The following CDC123 variants were observed in gnomAD, a reference collection of about 807,000 sequenced individuals.
CDC123 encodes the protein cell division cycle 123, also known as translation initiation factor eIF2 assembly protein.
A neutral mutation model predicts 54.4 loss-of-function variants in CDC123; 37 were observed. That is an observed-to-expected ratio of 0.68 (90% confidence interval 0.52 to 0.89). The LOEUF (loss-of-function observed/expected upper bound fraction) is 0.89, where lower values mean the gene tolerates loss of function less well. CDC123 is among the 40% of genes least tolerant of loss of function. CDC123 has a pLI of 0.00. For synonymous variants in CDC123, 144 were observed against 136.8 expected (o/e 1.05, Z -0.37); for missense variants, 361 against 412.1 (o/e 0.88, Z 1.07).
rs956840827 is a variant in CDC123 at position 12,210,273 on chromosome 10, TC to T, written c.205-15del. ...ATTTAAATTTAATGTTTTATTTTTTTCCTCTTTTTCATGCAGTGGTCTGATG... is the reference window on the plus strand; with the variant it reads ...ATTTAAATTTAATGTTTTATTTTTTTCTCTTTTTCATGCAGTGGTCTGATG... On this transcript the variant is annotated splice_polypyrimidine_tract_variant and intron_variant, in intron 3 of 12. Coordinates refer to ENST00000281141, the MANE Select transcript of CDC123 (RefSeq NM_006023.3). The T allele has an allele frequency of 1.2e-6, 2 of 1,613,698 alleles. No individual in the cohort carries two copies. Among genetic ancestry groups the T allele is most frequent in the African/African-American group, 2.7e-5 (2 of 74,908 alleles).
chr10:12,236,642 C>T (rs984587261), intron 8 of CDC123, among the ~76,000 whole-genome samples: 19 of 150,488 alleles, frequency 1.3e-4, no homozygotes, highest in African/African-American at 3.7e-4. Context: ...CACCTGTAAT[C>T]CCAGCATTTT....
At chr10:12,199,827 TTTG>T (rs978946979) in intron 2 of CDC123, among the ~76,000 whole-genome samples, 2 of 152,014 alleles carry the variant, frequency 1.3e-5, no homozygotes, top group African/African-American at 4.8e-5. Context: ...TTTTTTTTGT[TTTG>T]TTTTTCTTTT....
chr10:12,223,001 C>T (rs1835757623), intron 6 of CDC123, among the ~76,000 whole-genome samples: 1 of 151,976 alleles, frequency 6.6e-6, no homozygotes, highest in South Asian at 2.1e-4. Context: ...ACGCCATTCT[C>T]CTGCCTCAGC....
At chr10:12,238,762 G>A (rs367749246) in intron 10 of CDC123, among the ~76,000 whole-genome samples, 1 of 152,136 alleles carries the variant, frequency 6.6e-6, no homozygotes, top group Non-Finnish European at 1.5e-5. Context: ...GCTCACACCT[G>A]TAACCCCAGC....
chr10:12,196,359 G>A (rs553708650), intron 1 of CDC123, 40 bp downstream of exon 1: 2 of 1,613,462 alleles, frequency 1.2e-6, no homozygotes, highest in East Asian at 2.2e-5. Context: ...CCGGCAAAAG[G>A]GAACTGCGAC....
chr10:12,237,318 C>T (rs769457916), intron 9 of CDC123, 52 bp downstream of exon 9: 1 of 1,417,280 alleles, frequency 7.1e-7, no homozygotes, highest in East Asian at 2.6e-5. Context: ...TACATTGTTA[C>T]TGGACCTTAT....
intron 2 of CDC123, among the ~76,000 whole-genome samples, chr10:12,201,852 C>T (rs1406439358): frequency 6.6e-6 from 1 of 152,114 alleles, no homozygotes; most frequent in African/African-American, 2.4e-5. Flanking sequence ...GTGGCTTGAA[C>T]TAAGATGGTG....
At chr10:12,196,399 A>T in intron 1 of CDC123, 80 bp downstream of exon 1, 1 of 1,588,158 alleles carries the variant, frequency 6.3e-7, no homozygotes, top group Non-Finnish European at 8.6e-7. Context: ...CTATCCAAAA[A>T]AATGCAGGCC....
At position 12,210,060 on chromosome 10, in the gene CDC123, G is replaced by C. The variant is rs17151406; in HGVS notation, c.204+36G>C. ...AATAAAATAATCTGTTCTGTAGACTGTTGTAATTTAAATGATCTCTGAGAT... is the reference window on the plus strand; with the variant it reads ...AATAAAATAATCTGTTCTGTAGACTCTTGTAATTTAAATGATCTCTGAGAT... On this transcript the variant is annotated intron_variant, in intron 3 of 12. Transcript: ENST00000281141. The C allele has an allele frequency of 6.9e-3, 10,973 of 1,601,122 alleles. 382 individuals carry two copies. In the East Asian group the frequency reaches 0.079, roughly 11 times the overall value.
Position 12,198,699 on chromosome 10 carries a change from T to C in CDC123, c.75-6T>C, listed in dbSNP as rs773235932. 2 of 1,548,892 alleles carry C rather than the reference T, an allele frequency of 1.3e-6. No homozygotes were observed. Among genetic ancestry groups the C allele is most frequent in the African/African-American group, 1.4e-5 (1 of 72,768 alleles). On this transcript the variant is annotated splice_polypyrimidine_tract_variant and splice_region_variant and intron_variant, in intron 1 of 12. Transcript: ENST00000281141. ...AATGATGCCTTTTTTGGTGTTTTTT[T>C]TTTAGTGTCATTCTTCCACTTCCTC... is the stretch of plus-strand genomic sequence containing the variant.
intron 10 of CDC123, among the ~76,000 whole-genome samples, chr10:12,243,931 C>T (rs933778479): frequency 6.6e-6 from 1 of 152,156 alleles, no homozygotes; most frequent in Middle Eastern, 3.2e-3. Flanking sequence ...ACGGCTGATA[C>T]TGTTTCACAT....
intron 2 of CDC123, among the ~76,000 whole-genome samples, chr10:12,208,214 A>G (rs920238768): frequency 1.3e-5 from 2 of 151,824 alleles, no homozygotes; most frequent in Non-Finnish European, 2.9e-5. Flanking sequence ...GCTAGTTTTT[A>G]TGATTATTTT....
intron 6 of CDC123, among the ~76,000 whole-genome samples, chr10:12,221,576 C>T (rs1048729637): frequency 1.3e-5 from 2 of 152,130 alleles, no homozygotes; most frequent in African/African-American, 2.4e-5. Flanking sequence ...TGCTGTGATT[C>T]GTTTAGATCA....
chr10:12,210,097 G>A, intron 3 of CDC123, 73 bp downstream of exon 3: 2 of 1,532,376 alleles, frequency 1.3e-6, no homozygotes, highest in Non-Finnish European at 1.8e-6. Context: ...GTTCTGACTT[G>A]TAGATCTTAT....
At position 12,226,015 on chromosome 10, in the gene CDC123, C is replaced by T. The variant is rs534251526; in HGVS notation, c.441-4933C>T. Among the ~76,000 whole-genome samples the T allele has an allele frequency of 7.2e-5, 11 of 151,988 alleles. No individual in the cohort carries two copies. The South Asian group carries it at 1.2e-3, about 17-fold the overall frequency. ...CTGTTTAACAAAGCACATCTTGCAC[C>T]GCCCTTAATCCATTTAACCCTTCGT... On this transcript the variant is annotated intron_variant, in intron 6 of 12. Coordinates refer to ENST00000281141, the MANE Select transcript of CDC123 (RefSeq NM_006023.3).
At position 12,199,684 on chromosome 10, in the gene CDC123, T is replaced by C. The variant is rs554482269; in HGVS notation, c.146+908T>C. 3.1e-4 allele frequency among the ~76,000 whole-genome samples: 47 copies of C among 152,332 alleles called. 1 individual carries two copies. The highest frequency in any genetic ancestry group is 6.8e-3 in the Middle Eastern group (2 of 294). On this transcript the variant is annotated intron_variant, in intron 2 of 12. Coordinates refer to ENST00000281141, the MANE Select transcript of CDC123 (RefSeq NM_006023.3). ...TGTGGTTTTCTGGATTATATTTCTG[T>C]TTTTGGTATTCACAGAGCCTCAATA...
chr10:12,239,735 G>A (rs1376847361), intron 10 of CDC123, among the ~76,000 whole-genome samples: 3 of 150,770 alleles, frequency 2.0e-5, no homozygotes, highest in South Asian at 2.1e-4. Flanking sequence ...GGGGCCGGGC[G>A]CGGTGGCTCA....
chr10:12,207,356 G>C (rs1835536780), intron 2 of CDC123, among the ~76,000 whole-genome samples: 1 of 151,946 alleles, frequency 6.6e-6, no homozygotes, highest in South Asian at 2.1e-4. Context: ...TTCCTTAATG[G>C]ATGTGACATC....
At chr10:12,237,402 T>C in intron 9 of CDC123, 136 bp downstream of exon 9, 1 of 637,816 alleles carries the variant, frequency 1.6e-6, no homozygotes, top group Non-Finnish European at 2.3e-6. Flanking sequence ...TATTATTTGT[T>C]ATTTTTGATA....
Sources: gnomAD v4.1 joint callset for allele counts (sites outside exome capture counted in the v4.1 genomes callset) on GRCh38, gnomAD v4.1.1 for gene constraint, MANE v1.5 for transcripts, NCBI Gene and HGNC (gene_info 2026-07-23, HGNC 2026-07-21) for gene names.